GRM4: variants seen among roughly 807,000 people sequenced by gnomAD.
GRM4 encodes the protein metabotropic glutamate receptor 4.
GRM4 carries 28 observed loss-of-function variants against 81.7 expected under a neutral mutation model. The observed-to-expected ratio is 0.34, with a 90% CI of 0.25 to 0.47. GRM4 has a LOEUF of 0.47. Ranked by LOEUF, GRM4 falls within the 20% of genes least tolerant of loss-of-function variation. The probability of loss-of-function intolerance (pLI) is 1.00; values close to 1 mark genes in which losing one functional copy is unlikely to be tolerated. For synonymous variants in GRM4, 488 were observed against 528.8 expected (o/e 0.92, Z 1.06); for missense variants, 948 against 1,290.0 (o/e 0.73, Z 4.06).
intron 2 of GRM4, among the ~76,000 whole-genome samples, chr6:34,107,935 G>A (rs1428106077): frequency 2.6e-5 from 4 of 152,184 alleles, no homozygotes; most frequent in Non-Finnish European, 4.4e-5. Flanking sequence ...TAGACACTGA[G>A]CCCACCAAAA....
At chr6:34,072,045 CCACA>C (rs138396895) in intron 3 of GRM4, among the ~76,000 whole-genome samples, 11,318 of 77,010 alleles carry the variant, frequency 0.15, 796 homozygotes, top group African/African-American at 0.31. Context: ...CAGATACATG[CCACA>C]CACACACCCA....
chr6:34,098,525 C>T (rs1768658704), intron 2 of GRM4, among the ~76,000 whole-genome samples: 2 of 152,238 alleles, frequency 1.3e-5, no homozygotes, highest in Admixed American at 6.5e-5. Context: ...CCCAGGCAGA[C>T]TTTAAGATCC....
In GRM4 at chr6:34,121,247, T is replaced by C. The variant is rs985914005; in HGVS notation, c.519+11731A>G. Among the ~76,000 whole-genome samples the C allele has an allele frequency of 6.6e-6, 1 of 152,180 alleles. No individual in the cohort carries two copies. Among genetic ancestry groups the C allele is most frequent in the Non-Finnish European group, 1.5e-5 (1 of 68,032 alleles). ...TCAGACTCCTTCCCTGGCTAGGGTC[T>C]CCCAGCTGGAATTCATTCCCTGGGA... is the stretch of plus-strand genomic sequence containing the variant. On this transcript the variant is annotated intron_variant, in intron 2 of 10. Transcript: ENST00000538487. The surrounding 1 kb of genome is among the most constrained non-coding windows in gnomAD (Gnocchi z 4.6).
chr6:34,098,497 G>A (rs1768657571), intron 2 of GRM4, among the ~76,000 whole-genome samples: 1 of 152,200 alleles, frequency 6.6e-6, no homozygotes, highest in South Asian at 2.1e-4. Context: ...CTGGCCACCA[G>A]CCTAGGCCCA....
At chr6:34,106,727 C>T (rs1769145281) in intron 2 of GRM4, among the ~76,000 whole-genome samples, 1 of 152,242 alleles carries the variant, frequency 6.6e-6, no homozygotes, top group Non-Finnish European at 1.5e-5. Context: ...ACGTCAGTCC[C>T]ATGAGGGCAG....
At chr6:34,142,575 A>G (rs1233433186) in intron 1 of GRM4, among the ~76,000 whole-genome samples, 1 of 152,174 alleles carries the variant, frequency 6.6e-6, no homozygotes, top group Non-Finnish European at 1.5e-5. Flanking sequence ...GTGTGGCCAC[A>G]CATCCTGGCG....
rs373071422 is a variant in GRM4 at position 34,145,160 on chromosome 6, C to T, written c.-364+840G>A. ...GGCCTGCCCCGGGGGCGCAGGCAGT[C>T]GACGGCCGGAGGCACGGTTCTCGCG... On this transcript the variant is annotated intron_variant, in intron 1 of 10. Transcript: ENST00000538487. Among the ~76,000 whole-genome samples, 101 of 151,986 alleles carry T rather than the reference C, an allele frequency of 6.6e-4. 2 individuals are homozygous for T. The East Asian group carries it at 0.018, about 27-fold the overall frequency.
At position 34,102,170 on chromosome 6, in the gene GRM4, G is replaced by A. The variant is rs761477403; in HGVS notation, c.520-10071C>T. ...GGCATTTAAGGTGTGCAGGGGACAG[G>A]AGCAATAATAGGTCTCCCCACTTCC... On this transcript the variant is annotated intron_variant, in intron 2 of 10. Coordinates refer to ENST00000538487, the MANE Select transcript of GRM4 (RefSeq NM_000841.4). 2.8e-5 allele frequency: 43 copies of A among 1,534,510 alleles called. 2 individuals carry two copies. In the South Asian group the frequency reaches 4.2e-4, roughly 15 times the overall value.
rs1267790039 is a variant in GRM4, at chr6:34,035,496, G to GAGAAGGCAGAATGAGGCATGAA, written c.2442+150_2442+171dup. ...CCAGAGAGAAAACTTGCAGCTGGGA[G>GAGAAGGCAGAATGAGGCATGAA]AGAAGGCAGAATGAGGCATGAAAGA... is the stretch of plus-strand genomic sequence containing the variant. On this transcript the variant is annotated intron_variant, in intron 9 of 10. Transcript: ENST00000538487. This position sits in a 1 kb window ranked among gnomAD's most constrained non-coding sequence, Gnocchi z 6.6. 1.6e-3 allele frequency among the ~76,000 whole-genome samples: 216 copies of GAGAAGGCAGAATGAGGCATGAA among 137,782 alleles called. 1 individual carries two copies. Among genetic ancestry groups the GAGAAGGCAGAATGAGGCATGAA allele is most frequent in the African/African-American group, 4.8e-3 (157 of 32,830 alleles). 90.4% of individuals were successfully genotyped at this position (137,782 alleles called of 152,430 possible).
In GRM4 at chr6:34,121,907, G is replaced by A. The variant is rs1489221773; in HGVS notation, c.519+11071C>T. Among the ~76,000 whole-genome samples, 1 of 151,888 alleles carries A rather than the reference G, an allele frequency of 6.6e-6. No individual in the cohort carries two copies. Among genetic ancestry groups the A allele is most frequent in the Non-Finnish European group, 1.5e-5 (1 of 68,008 alleles). On this transcript the variant is annotated intron_variant, in intron 2 of 10. Coordinates refer to ENST00000538487, the MANE Select transcript of GRM4 (RefSeq NM_000841.4). The surrounding 1 kb of genome is among the most constrained non-coding windows in gnomAD (Gnocchi z 4.6). ...CCCTACCCACAGGCAAGGAGAGCAG[G>A]GCCCTGAGCAGTGCCAAGACTTGTG...
chr6:34,071,404 C>T (rs1766828092), intron 3 of GRM4, among the ~76,000 whole-genome samples: 2 of 82,950 alleles, frequency 2.4e-5, no homozygotes, highest in Admixed American at 2.4e-4. Context: ...CATGGATAAA[C>T]ACCACACAGA....
At chr6:34,109,256 A>G (rs1769264702) in intron 2 of GRM4, among the ~76,000 whole-genome samples, 1 of 152,186 alleles carries the variant, frequency 6.6e-6, no homozygotes, top group African/African-American at 2.4e-5. Flanking sequence ...GATGTGTCCA[A>G]TTGCCAGCAA....
At chr6:34,062,281 T>G (rs1007821298) in intron 3 of GRM4, 1 of 415,960 alleles carries the variant, frequency 2.4e-6, no homozygotes, top group East Asian at 3.8e-5. Flanking sequence ...TTTCCCCATA[T>G]AGCAGCTAGA....
rs1388827739 is a variant in GRM4 at position 34,042,947 on chromosome 6, T to C, written c.1169-2199A>G. On this transcript the variant is annotated intron_variant, in intron 6 of 10. Transcript: ENST00000538487. The surrounding 1 kb of genome is among the most constrained non-coding windows in gnomAD (Gnocchi z 4.2). Reference sequence around the variant, plus strand: ...ATTAACCCTGCCAGCCAGAACCACATCCCATTTTCAGCCTTCCTCAGGGTA... The same window carrying C: ...ATTAACCCTGCCAGCCAGAACCACACCCCATTTTCAGCCTTCCTCAGGGTA... Among the ~76,000 whole-genome samples the C allele has an allele frequency of 6.6e-6, 1 of 152,072 alleles. No homozygotes were observed. Among genetic ancestry groups the C allele is most frequent in the African/African-American group, 2.4e-5 (1 of 41,396 alleles).
Position 34,022,728 on chromosome 6 carries a change from G to C in GRM4, c.*93C>G. On this transcript the variant is annotated 3_prime_UTR_variant, in exon 11 of 11. Transcript: ENST00000538487. The surrounding 1 kb of genome is among the most constrained non-coding windows in gnomAD (Gnocchi z 5.6). ...CACGTCCGTGGGTGCCCACGGGCAG[G>C]CAAGACAGCTGGGCCCTTGGGTGTG... is the stretch of plus-strand genomic sequence containing the variant. 8.6e-7 allele frequency: 1 copy of C among 1,167,010 alleles called. No individual in the cohort carries two copies. The highest frequency in any genetic ancestry group is 1.2e-5 in the South Asian group (1 of 81,170). The allele number at this position is 1,167,010 out of a possible 1,614,324, so 72.3% of individuals were successfully genotyped here. A position where few individuals can be genotyped will look rare whatever the true frequency, so the allele number is the denominator to read the frequency against.
intron 3 of GRM4, among the ~76,000 whole-genome samples, chr6:34,084,089 G>A (rs76538128): frequency 0.015 from 2,280 of 152,342 alleles, 39 homozygotes; most frequent in African/African-American, 0.042. Context: ...CCAAATTGTG[G>A]GGAACAGGTC....
At chr6:34,153,751 A>T (rs566524140) in intron 1 of GRM4, among the ~76,000 whole-genome samples, 217 of 152,140 alleles carry the variant, frequency 1.4e-3, no homozygotes, top group African/African-American at 4.9e-3. Flanking sequence ...CCAGGTGTGA[A>T]CCCCGTTTCT....
rs748297759 is a variant in GRM4, at chr6:34,133,305, G to A, written c.192C>T (p.Gly64=). The change falls in exon 2 of 11, where the codon GGC becomes GGT. Residue 64 remains glycine, a synonymous_variant. Coordinates refer to ENST00000538487, the MANE Select transcript of GRM4 (RefSeq NM_000841.4). This position sits in a 1 kb window ranked among gnomAD's most constrained non-coding sequence, Gnocchi z 6.5. The stretch of plus-strand genomic sequence containing the variant: ...CCTTCTTAAGTTCTCCACAGGGCTT[G>A]CCCTCTGAGCCCCGGCCATGCACCG... ...LFPVHGRGSE[G]KPCGELKKEK... is the part of the protein sequence containing the mutation. 34 of 1,613,964 alleles carry A rather than the reference G, an allele frequency of 2.1e-5. No homozygotes were observed. In the Admixed American group the frequency reaches 5.5e-4, roughly 26 times the overall value.
At position 34,088,729 on chromosome 6, in the gene GRM4, A is replaced by T. The variant is rs965785372; in HGVS notation, c.736+3154T>A. On this transcript the variant is annotated intron_variant, in intron 3 of 10. Coordinates refer to ENST00000538487, the MANE Select transcript of GRM4 (RefSeq NM_000841.4). The stretch of plus-strand genomic sequence containing the variant: ...TAAGGCTCAGTTCTCCCATCTGCAA[A>T]ATGGGAAAAAAACACCTAGCCCACG... Among the ~76,000 whole-genome samples, 138 of 152,242 alleles carry T rather than the reference A, an allele frequency of 9.1e-4. 1 individual carries two copies. The highest frequency in any genetic ancestry group is 3.1e-3 in the African/African-American group (130 of 41,548).
Sources: allele counts gnomAD v4.1 joint callset (sites outside exome capture counted in the v4.1 genomes callset), GRCh38; gene constraint gnomAD v4.1.1; non-coding constraint Gnocchi (gnomAD v3.1); transcripts MANE v1.5; gene names NCBI Gene and HGNC (gene_info 2026-07-23, HGNC 2026-07-21).